Variants in SLC15A1 observed in about 807,000 individuals in gnomAD.
SLC15A1 encodes Caco-2 oligopeptide transporter.
SLC15A1 carries 83 observed loss-of-function variants against 92.9 expected under a neutral mutation model. That is an observed-to-expected ratio of 0.89 (90% CI 0.75 to 1.07). The LOEUF is 1.07. SLC15A1 is among the 50% of genes least tolerant of loss of function. The pLI is 0.00. For missense variants in SLC15A1, 857 were observed against 880.1 expected (o/e 0.97, Z 0.33); for synonymous variants, 322 against 318.2 (o/e 1.01, Z -0.13).
intron 14 of SLC15A1, 94 bp from the exon 15 acceptor site, chr13:98,708,861 T>G: frequency 8.5e-6 from 6 of 705,508 alleles, no homozygotes; most frequent in Non-Finnish European, 1.0e-5. Context: ...CAAAACTAAA[T>G]TCCTTCCAAA....
chr13:98,744,658 A>G (rs2088478134), intron 1 of SLC15A1, among the ~76,000 whole-genome samples: 5 of 147,086 alleles, frequency 3.4e-5, no homozygotes, highest in Admixed American at 2.8e-4. Flanking sequence ...CTGAGGCAGG[A>G]GAATCATTTG....
rs756764482 is a variant in SLC15A1 at position 98,687,738 on chromosome 13, G to A, written c.1684-14C>T. On this transcript the variant is annotated splice_polypyrimidine_tract_variant and intron_variant, in intron 20 of 22. Coordinates refer to ENST00000376503, the MANE Select transcript of SLC15A1 (RefSeq NM_005073.4). ...GCAGCTGTCATTCTGCAGCAGTAAG[G>A]CAAAAGCAGAAGAAGTTGAGATAGC... 6.2e-7 allele frequency: 1 copy of A among 1,608,154 alleles called. No individual in the cohort carries two copies. The highest frequency in any genetic ancestry group is 8.5e-7 in the Non-Finnish European group (1 of 1,177,970).
chr13:98,711,983 T>C lies in SLC15A1; in HGVS notation c.811-40A>G, dbSNP rs1316394042. 2.8e-6 allele frequency: 4 copies of C among 1,450,760 alleles called. No homozygotes were observed. The African/African-American group carries it at 4.2e-5, about 15-fold the overall frequency. 89.9% of individuals were successfully genotyped at this position (1,450,760 alleles called of 1,614,324 possible). ...GGGAAGGGACAAATCAGCCACACCC[T>C]GTGTCCTGTGCCACTCACGGCTTAC... On this transcript the variant is annotated intron_variant, in intron 10 of 22. Transcript: ENST00000376503.
chr13:98,689,483 T>C (rs2087958542), intron 18 of SLC15A1, among the ~76,000 whole-genome samples: 2 of 152,156 alleles, frequency 1.3e-5, no homozygotes, highest in African/African-American at 4.8e-5. Context: ...TCTTGCTCTG[T>C]TGCCCAGGCT....
chr13:98,718,300 C>CTTTTTTTTTTTTT (rs532286337), intron 8 of SLC15A1, among the ~76,000 whole-genome samples: 2 of 84,128 alleles, frequency 2.4e-5, no homozygotes, highest in Admixed American at 1.3e-4. Flanking sequence ...TCACCTTCAT[C>CTTTTTTTTTTTTT]TTTTTTTTTT....
intron 9 of SLC15A1, among the ~76,000 whole-genome samples, chr13:98,713,994 A>C (rs1311327716): frequency 6.6e-6 from 1 of 150,664 alleles, no homozygotes; most frequent in Non-Finnish European, 1.5e-5. Flanking sequence ...CGGAGGTTGC[A>C]GTGAGCCGAG....
At chr13:98,704,514 T>C (rs999284634) in intron 16 of SLC15A1, 79 bp from the exon 17 acceptor site, 8 of 1,359,678 alleles carry the variant, frequency 5.9e-6, no homozygotes, top group Non-Finnish European at 5.0e-6. Flanking sequence ...AGAGCAGTTA[T>C]CTGATATTCT....
intron 1 of SLC15A1, among the ~76,000 whole-genome samples, chr13:98,738,847 C>T (rs2088417281): frequency 6.6e-6 from 1 of 152,218 alleles, no homozygotes; most frequent in Non-Finnish European, 1.5e-5. Context: ...GGCCATCATC[C>T]TCCAGACCCT....
intron 1 of SLC15A1, among the ~76,000 whole-genome samples, chr13:98,750,900 C>T (rs937076087): frequency 2.6e-5 from 4 of 152,078 alleles, no homozygotes; most frequent in East Asian, 1.9e-4. Flanking sequence ...TACAGGCACC[C>T]GCCACTATGC....
At chr13:98,743,367 C>T (rs1203366958) in intron 1 of SLC15A1, among the ~76,000 whole-genome samples, 2 of 152,206 alleles carry the variant, frequency 1.3e-5, no homozygotes, top group Admixed American at 1.3e-4. Context: ...ACCAACCTCT[C>T]GTGGTTTTAT....
Position 98,704,412 on chromosome 13 carries a change from A to G in SLC15A1, c.1293T>C (p.Asp431=). The G allele has an allele frequency of 6.2e-7, 1 of 1,613,824 alleles. No homozygotes were observed. ...TGTTTATCCTTGTCAGTTTGTTTAC[A>G]TCAAAAGTCATAAATGCATTTGTCT... ...MSQTNAFMTF[D]VNKLTRINIS... Residue 431 remains aspartate (D), a synonymous_variant, in exon 17 of 23, where the codon GAT becomes GAC. Transcript: ENST00000376503.
chr13:98,732,847 G>A (rs2088361562), intron 1 of SLC15A1, among the ~76,000 whole-genome samples: 1 of 152,176 alleles, frequency 6.6e-6, no homozygotes, highest in Non-Finnish European at 1.5e-5. Context: ...GAACTTTCAA[G>A]GTGTGGTGGT....
chr13:98,732,464 G>T (rs1321862700), intron 1 of SLC15A1, among the ~76,000 whole-genome samples: 1 of 151,976 alleles, frequency 6.6e-6, no homozygotes. Flanking sequence ...CTTGGGGGTT[G>T]GGGGGGACAG....
intron 1 of SLC15A1, among the ~76,000 whole-genome samples, chr13:98,729,611 T>G (rs1476395613): frequency 6.6e-6 from 1 of 152,206 alleles, no homozygotes; most frequent in Non-Finnish European, 1.5e-5. Flanking sequence ...CCATACAGCA[T>G]GCGGAAGCCT....
Position 98,752,647 on chromosome 13 carries a change from G to C in SLC15A1, c.-49C>G. On this transcript the variant is annotated 5_prime_UTR_variant, in exon 1 of 23. Coordinates refer to ENST00000376503, the MANE Select transcript of SLC15A1 (RefSeq NM_005073.4). ...CGACCTGCCGGCGGGACGTGCTCCT[G>C]GCAGGTGCTACTCCTCCGACCTGAC... 3.2e-6 allele frequency: 4 copies of C among 1,246,120 alleles called. No individual in the cohort carries two copies. The highest frequency in any genetic ancestry group is 2.1e-4 in the Middle Eastern group (1 of 4,742). 77.2% of individuals were successfully genotyped at this position (1,246,120 alleles called of 1,614,324 possible).
intron 5 of SLC15A1, among the ~76,000 whole-genome samples, chr13:98,723,051 G>A (rs1003824953): frequency 7.9e-5 from 12 of 152,134 alleles, no homozygotes; most frequent in African/African-American, 2.9e-4. Context: ...ACTAGGAAAG[G>A]GCACAGCCAG....
chr13:98,737,171 G>C (rs2088401572), intron 1 of SLC15A1, among the ~76,000 whole-genome samples: 1 of 152,200 alleles, frequency 6.6e-6, no homozygotes, highest in African/African-American at 2.4e-5. Flanking sequence ...CCATGAAAAA[G>C]GATGAGTTCA....
At chr13:98,686,435 G>T in intron 21 of SLC15A1, 138 bp from the exon 22 acceptor site, 1 of 649,146 alleles carries the variant, frequency 1.5e-6, no homozygotes, top group South Asian at 1.7e-5. Flanking sequence ...AATGTAAAAA[G>T]GATCATCACT....
intron 5 of SLC15A1, among the ~76,000 whole-genome samples, chr13:98,722,173 G>C (rs2088265703): frequency 6.6e-6 from 1 of 152,144 alleles, no homozygotes; most frequent in African/African-American, 2.4e-5. Flanking sequence ...TAGGTTTGGG[G>C]TTCTTTTGTA....
Sources: allele counts gnomAD v4.1 joint callset (sites outside exome capture counted in the v4.1 genomes callset), GRCh38; gene constraint gnomAD v4.1.1; transcripts MANE v1.5; gene names NCBI Gene and HGNC (gene_info 2026-07-23, HGNC 2026-07-21).